ATRNL1: variants seen among roughly 807,000 people sequenced by gnomAD.
ATRNL1 encodes the protein attractin like 1, also known as attractin-like protein 1.
A neutral mutation model predicts 182.7 loss-of-function variants in ATRNL1; 95 were observed. The observed-to-expected ratio is 0.52, with a 90% confidence interval of 0.44 to 0.62. The LOEUF is 0.62. Ranked by LOEUF, ATRNL1 falls within the 20% of genes least tolerant of loss-of-function variation. ATRNL1 has a pLI of 0.00. For synonymous variants in ATRNL1, 576 were observed against 568.3 expected (o/e 1.01, Z -0.19); for missense variants, 1,471 against 1,679.5 (o/e 0.88, Z 2.17).
chr10:115,811,080 T>G lies in ATRNL1; in HGVS notation c.3904-36797T>G, dbSNP rs1456458575. Among the ~76,000 whole-genome samples the G allele has an allele frequency of 3.3e-5, 5 of 151,974 alleles. No homozygotes were observed. The East Asian group carries it at 9.6e-4, about 29-fold the overall frequency. On this transcript the variant is annotated intron_variant, in intron 27 of 28. Transcript: ENST00000355044. ...TAGGAGGGAAGCTTGGAACATTGAT[T>G]AGAGACATTTTTTCTTTCTTAGTAT...
chr10:115,143,593 A>G (rs562915413), intron 5 of ATRNL1, among the ~76,000 whole-genome samples: 1 of 152,208 alleles, frequency 6.6e-6, no homozygotes, highest in African/African-American at 2.4e-5. Context: ...CCAGGGTGCT[A>G]TCATGGTGAG....
At chr10:115,519,032 A>G (rs1317408915) in intron 24 of ATRNL1, among the ~76,000 whole-genome samples, 1 of 152,000 alleles carries the variant, frequency 6.6e-6, no homozygotes, top group East Asian at 1.9e-4. Context: ...AAGTAATTAT[A>G]TAATAGTTTT....
intron 25 of ATRNL1, among the ~76,000 whole-genome samples, chr10:115,546,991 T>C (rs1222902616): frequency 2.0e-5 from 3 of 152,236 alleles, no homozygotes; most frequent in Non-Finnish European, 2.9e-5. Flanking sequence ...TGGTGGCTCA[T>C]GCCTATAATT....
At chr10:115,387,327 G>A (rs1462467309) in intron 19 of ATRNL1, among the ~76,000 whole-genome samples, 1 of 152,036 alleles carries the variant, frequency 6.6e-6, no homozygotes, top group Non-Finnish European at 1.5e-5. Flanking sequence ...CAAACTTCTC[G>A]GCCTTTCAAG....
At position 115,732,996 on chromosome 10, in the gene ATRNL1, A is replaced by T. The variant is rs1279131645; in HGVS notation, c.3903+5641A>T. ...AAATTGCTATAAAGAAATCAAAGTGACTTACTAAACTGCAATAAACTCAGC... is the reference window on the plus strand; with the variant it reads ...AAATTGCTATAAAGAAATCAAAGTGTCTTACTAAACTGCAATAAACTCAGC... On this transcript the variant is annotated intron_variant, in intron 27 of 28. Transcript: ENST00000355044. Among the ~76,000 whole-genome samples, 3 of 152,144 alleles carry T rather than the reference A, an allele frequency of 2.0e-5. No homozygotes were observed. In the East Asian group the frequency reaches 5.8e-4, roughly 29 times the overall value.
chr10:115,610,785 C>T (rs1555018767), intron 26 of ATRNL1, among the ~76,000 whole-genome samples: 1 of 152,078 alleles, frequency 6.6e-6, no homozygotes, highest in East Asian at 1.9e-4. Context: ...GATTGCATGT[C>T]AAAGTTAAGG....
chr10:115,230,674 G>A (rs1348707972), intron 9 of ATRNL1, among the ~76,000 whole-genome samples: 1 of 152,212 alleles, frequency 6.6e-6, no homozygotes, highest in Non-Finnish European at 1.5e-5. Context: ...TACAGGAGCG[G>A]TGTTGTAATT....
intron 28 of ATRNL1, among the ~76,000 whole-genome samples, chr10:115,926,284 T>G (rs2134578574): frequency 6.7e-6 from 1 of 148,446 alleles, no homozygotes; most frequent in East Asian, 2.0e-4. Flanking sequence ...TTCATAGCAC[T>G]AAATGCCCAC....
At chr10:115,864,761 T>C (rs2134399598) in intron 28 of ATRNL1, among the ~76,000 whole-genome samples, 1 of 152,162 alleles carries the variant, frequency 6.6e-6, no homozygotes, top group East Asian at 1.9e-4. Context: ...GGTGGGCGGA[T>C]CACAAGGTCG....
chr10:115,449,347 G>A (rs10885716), intron 21 of ATRNL1, among the ~76,000 whole-genome samples: 39,711 of 151,692 alleles, frequency 0.26, 5,464 homozygotes, highest in Non-Finnish European at 0.31. Context: ...GCAAGACTCC[G>A]GGGAAAGACC....
intron 27 of ATRNL1, among the ~76,000 whole-genome samples, chr10:115,807,866 A>G (rs1555085989): frequency 6.6e-6 from 1 of 152,168 alleles, no homozygotes; most frequent in Admixed American, 6.6e-5. Flanking sequence ...TTATGTGTTT[A>G]TGTGCTCATC....
At chr10:115,787,406 ATTCTT>A (rs200462456) in intron 27 of ATRNL1, among the ~76,000 whole-genome samples, 621 of 152,272 alleles carry the variant, frequency 4.1e-3, no homozygotes, top group Non-Finnish European at 6.8e-3. Flanking sequence ...CAGGAATACT[ATTCTT>A]TACTTTCTTG....
chr10:115,569,455 C>T (rs1854262567), intron 26 of ATRNL1, among the ~76,000 whole-genome samples: 1 of 152,248 alleles, frequency 6.6e-6, no homozygotes, highest in South Asian at 2.1e-4. Context: ...GGTTTTACCA[C>T]ATTATTTTCC....
chr10:115,230,870 T>A (rs1412765309), intron 9 of ATRNL1, among the ~76,000 whole-genome samples: 1 of 83,744 alleles, frequency 1.2e-5, no homozygotes, highest in African/African-American at 5.4e-5. Context: ...ATAGAGTGGA[T>A]GAGAGAGAGA....
chr10:115,525,436 A>G (rs569598702), intron 25 of ATRNL1, among the ~76,000 whole-genome samples: 4 of 152,250 alleles, frequency 2.6e-5, no homozygotes, highest in African/African-American at 9.6e-5. Context: ...CCCTGTGACT[A>G]TCTCTCGTAT....
chr10:115,427,742 TG>T (rs1421693085), intron 21 of ATRNL1, among the ~76,000 whole-genome samples: 1 of 152,098 alleles, frequency 6.6e-6, no homozygotes, highest in African/African-American at 2.4e-5. Context: ...TGTAAATGTG[TG>T]GGTCTGTTTC....
chr10:115,186,150 T>C (rs12251597), intron 8 of ATRNL1, among the ~76,000 whole-genome samples: 1,995 of 151,980 alleles, frequency 0.013, 38 homozygotes, highest in African/African-American at 0.046. Flanking sequence ...AACAACCCGA[T>C]TAAAAAATGG....
At chr10:115,443,692 G>A (rs1291418370) in intron 21 of ATRNL1, among the ~76,000 whole-genome samples, 1 of 151,780 alleles carries the variant, frequency 6.6e-6, no homozygotes, top group African/African-American at 2.4e-5. Context: ...TGGTTATTAT[G>A]GATACGCATG....
chr10:115,759,567 G>A (rs1948680150), intron 27 of ATRNL1, among the ~76,000 whole-genome samples: 1 of 44,136 alleles, frequency 2.3e-5, no homozygotes, highest in African/African-American at 5.6e-5. Context: ...AACTACAGTA[G>A]AGCAAAGTTT....
Sources: gnomAD v4.1 joint callset for allele counts (sites outside exome capture counted in the v4.1 genomes callset) on GRCh38, gnomAD v4.1.1 for gene constraint, MANE v1.5 for transcripts, NCBI Gene and HGNC (gene_info 2026-07-23, HGNC 2026-07-21) for gene names.